Variants in SCFD1 observed in about 807,000 individuals in gnomAD.
SCFD1 encodes sec1 family domain-containing protein 1.
Under a neutral mutation model 103.2 loss-of-function variants are expected in SCFD1, and 37 were observed. The ratio of observed to expected loss-of-function variants is 0.36; its 90% CI spans 0.28 to 0.47. The LOEUF is 0.47. Among genes scored for constraint, SCFD1 ranks in the 20% least tolerant of loss-of-function variants. The pLI is 1.00. For missense variants in SCFD1, 639 were observed against 761.2 expected (o/e 0.84, Z 1.89); for synonymous variants, 264 against 245.0 (o/e 1.08, Z -0.73).
chr14:30,677,462 C>G (rs1889119029), intron 14 of SCFD1, among the ~76,000 whole-genome samples: 1 of 152,160 alleles, frequency 6.6e-6, no homozygotes, highest in Non-Finnish European at 1.5e-5. Context: ...CACACTACTC[C>G]TAGTTGGGTC....
chr14:30,630,581 T>C lies in SCFD1; in HGVS notation c.221+16T>C, dbSNP rs755473836. The C allele has an allele frequency of 5.2e-6, 7 of 1,354,528 alleles. No homozygotes were observed. Among genetic ancestry groups the C allele is most frequent in the South Asian group, 3.5e-5 (3 of 85,260 alleles). 83.9% of individuals were successfully genotyped at this position (1,354,528 alleles called of 1,614,324 possible). A position where few individuals can be genotyped will look rare whatever the true frequency, so the allele number is the denominator to read the frequency against. On this transcript the variant is annotated intron_variant, in intron 3 of 24. Transcript: ENST00000458591. The stretch of plus-strand genomic sequence containing the variant: ...CTCTGCATCTGTGAGTTTTTACATA[T>C]TTCTAATAGTGGTATTCATTTAAAG...
chr14:30,684,686 T>G (rs1221080345), intron 14 of SCFD1, among the ~76,000 whole-genome samples: 1 of 151,058 alleles, frequency 6.6e-6, no homozygotes, highest in African/African-American at 2.4e-5. Context: ...CCACGCATAG[T>G]GCTTTTGATT....
intron 19 of SCFD1, among the ~76,000 whole-genome samples, chr14:30,709,970 A>T (rs187492379): frequency 4.6e-5 from 7 of 152,346 alleles, no homozygotes; most frequent in Admixed American, 4.6e-4. Flanking sequence ...TTCTTGTAAC[A>T]TATAACTCAT....
intron 7 of SCFD1, among the ~76,000 whole-genome samples, chr14:30,648,350 G>T (rs1410563628): frequency 3.3e-5 from 5 of 152,102 alleles, no homozygotes; most frequent in Non-Finnish European, 7.4e-5. Flanking sequence ...GACAGTTTGA[G>T]CATATAAATA....
intron 14 of SCFD1, among the ~76,000 whole-genome samples, chr14:30,691,608 G>A (rs1890306268): frequency 1.3e-5 from 2 of 152,150 alleles, no homozygotes; most frequent in African/African-American, 2.4e-5. Flanking sequence ...TTGTTGAGAT[G>A]TAACTCACGT....
At chr14:30,667,733 A>G (rs146990878) in intron 10 of SCFD1, among the ~76,000 whole-genome samples, 2,536 of 152,340 alleles carry the variant, frequency 0.017, 92 homozygotes, top group African/African-American at 0.057. Context: ...TCAATGTGCA[A>G]AAATCACAAG....
upstream of SCFD1, chr14:30,622,266 C>G: frequency 1.3e-6 from 2 of 1,576,608 alleles, no homozygotes; most frequent in Non-Finnish European, 1.7e-6. Flanking sequence ...GGCTTTGCTT[C>G]CGGGGCGGTA....
At chr14:30,622,435 A>G (rs1476527008) in intron 1 of SCFD1, 36 bp downstream of exon 1, 1 of 1,549,420 alleles carries the variant, frequency 6.5e-7, no homozygotes, top group Non-Finnish European at 8.7e-7. Flanking sequence ...AAGCTTCGTG[A>G]CTGCCCCGAC....
intron 23 of SCFD1, among the ~76,000 whole-genome samples, chr14:30,728,801 A>ATATC (rs938631999): frequency 6.8e-6 from 1 of 146,560 alleles, no homozygotes; most frequent in Non-Finnish European, 1.5e-5. Flanking sequence ...GGCCATTTGT[A>ATATC]TATCTTTGGA....
At chr14:30,720,380 C>G (rs1892571877) in intron 21 of SCFD1, among the ~76,000 whole-genome samples, 1 of 152,108 alleles carries the variant, frequency 6.6e-6, no homozygotes, top group South Asian at 2.1e-4. Flanking sequence ...TGTAAATATA[C>G]TAAAAACCAC....
At chr14:30,682,271 G>A (rs1889548134) in intron 14 of SCFD1, among the ~76,000 whole-genome samples, 1 of 152,218 alleles carries the variant, frequency 6.6e-6, no homozygotes, top group Non-Finnish European at 1.5e-5. Flanking sequence ...GTGTACAGAA[G>A]AGAGGTAGAA....
chr14:30,695,766 G>A (rs185785763), intron 15 of SCFD1, among the ~76,000 whole-genome samples: 96 of 152,198 alleles, frequency 6.3e-4, no homozygotes, highest in Admixed American at 6.2e-3. Flanking sequence ...CAGCTACTTG[G>A]GAGACTGAGG....
intron 3 of SCFD1, among the ~76,000 whole-genome samples, chr14:30,632,704 T>C (rs1594562262): frequency 6.6e-6 from 1 of 152,224 alleles, no homozygotes; most frequent in Non-Finnish European, 1.5e-5. Flanking sequence ...GACTGAAGTT[T>C]AGAAGGCTTA....
At chr14:30,690,874 C>T (rs1890246789) in intron 14 of SCFD1, among the ~76,000 whole-genome samples, 1 of 152,250 alleles carries the variant, frequency 6.6e-6, no homozygotes, top group South Asian at 2.1e-4. Flanking sequence ...ACTGAAGAAT[C>T]TCAGTTTATT....
chr14:30,708,263 G>A (rs1405414610), intron 19 of SCFD1, among the ~76,000 whole-genome samples, 198 bp downstream of exon 19: 1 of 152,012 alleles, frequency 6.6e-6, no homozygotes, highest in Non-Finnish European at 1.5e-5. Flanking sequence ...GTGTGCCTTG[G>A]TGGTTTGCTG....
intron 24 of SCFD1, chr14:30,735,164 A>T: frequency 6.4e-6 from 2 of 310,484 alleles, no homozygotes; most frequent in South Asian, 1.5e-4. Flanking sequence ...TTCTCTTTAT[A>T]TTGTCACAAA....
intron 21 of SCFD1, among the ~76,000 whole-genome samples, chr14:30,721,335 C>T (rs1892635746): frequency 6.6e-6 from 1 of 151,258 alleles, no homozygotes; most frequent in Admixed American, 6.6e-5. Flanking sequence ...TAAGTCTAGA[C>T]TCGCAAAAGC....
intron 10 of SCFD1, among the ~76,000 whole-genome samples, chr14:30,665,358 T>C (rs9944142): frequency 0.05 from 7,547 of 152,128 alleles, 613 homozygotes; most frequent in African/African-American, 0.17. Flanking sequence ...ATTTTGTCAC[T>C]ACCAGGCCTG....
chr14:30,734,849 C>T lies in SCFD1; in HGVS notation c.1896C>T (p.Phe632=). 1 of 1,609,604 alleles carries T rather than the reference C, an allele frequency of 6.2e-7. No individual in the cohort carries two copies. ...GTGAGCTTTTTAATGCTACACAGTT[C>T]ATAAAACAGGTAAAGTATACATTTG... ...GCSELFNATQ[F]IKQLSQLGQK The change falls in exon 24 of 25, where the codon TTC becomes TTT. Residue 632 remains phenylalanine (F), a synonymous_variant. Transcript: ENST00000458591.
Sources: allele counts gnomAD v4.1 joint callset (sites outside exome capture counted in the v4.1 genomes callset), GRCh38; gene constraint gnomAD v4.1.1; transcripts MANE v1.5; gene names NCBI Gene and HGNC (gene_info 2026-07-23, HGNC 2026-07-21).